KSR1: variants seen among roughly 807,000 people sequenced by gnomAD.
KSR1 encodes the protein kinase suppressor of ras.
Under a neutral mutation model 92.9 loss-of-function variants are expected in KSR1, and 35 were observed. The ratio of observed to expected loss-of-function variants is 0.38; its 90% CI spans 0.29 to 0.50. The LOEUF is 0.50. Among genes scored for constraint, KSR1 ranks in the 20% least tolerant of loss-of-function variants. The pLI, the probability that KSR1 is intolerant of heterozygous loss-of-function variation, is 0.94. For missense variants in KSR1, 972 were observed against 1,158.5 expected (o/e 0.84, Z 2.34); for synonymous variants, 467 against 472.6 (o/e 0.99, Z 0.15).
At chr17:27,558,970 G>A (rs117061097) in intron 2 of KSR1, among the ~76,000 whole-genome samples, 5 of 152,228 alleles carry the variant, frequency 3.3e-5, no homozygotes, top group East Asian at 1.9e-4. Flanking sequence ...TACGTGGATC[G>A]TTTGTGTGTG....
At chr17:27,548,809 G>A (rs2071283628) in intron 1 of KSR1, among the ~76,000 whole-genome samples, 1 of 150,070 alleles carries the variant, frequency 6.7e-6, no homozygotes, top group African/African-American at 2.5e-5. Flanking sequence ...CAGCCTGCCA[G>A]CCTTGGTGAC....
At chr17:27,590,918 G>A in intron 7 of KSR1, 24 bp downstream of exon 7, 4 of 1,586,072 alleles carry the variant, frequency 2.5e-6, no homozygotes, top group African/African-American at 1.3e-5. Flanking sequence ...GAGTGGGGGT[G>A]GGGGGAGCAG....
intron 7 of KSR1, among the ~76,000 whole-genome samples, chr17:27,591,617 T>C (rs2073169554): frequency 6.6e-6 from 1 of 152,220 alleles, no homozygotes; most frequent in East Asian, 1.9e-4. Context: ...CTTGTGCATA[T>C]CAGCTGGACC....
chr17:27,608,519 A>C, intron 15 of KSR1, among the ~76,000 whole-genome samples: 1 of 152,160 alleles, frequency 6.6e-6, no homozygotes, highest in East Asian at 1.9e-4. Flanking sequence ...CTGACTCATC[A>C]GTGTTAGTTC....
chr17:27,621,866 A>G, intron 20 of KSR1: 1 of 1,573,244 alleles, frequency 6.4e-7, no homozygotes, highest in Non-Finnish European at 8.7e-7. Flanking sequence ...AGCTCCCGAC[A>G]GGCTCTGCAT....
Position 27,577,793 on chromosome 17 carries a change from A to G in KSR1, c.520+154A>G, listed in dbSNP as rs1359044347. 9.6e-6 allele frequency: 7 copies of G among 726,930 alleles called. No individual in the cohort carries two copies. The highest frequency in any genetic ancestry group is 1.7e-5 in the Non-Finnish European group (7 of 408,176). 45.0% of individuals were successfully genotyped at this position (726,930 alleles called of 1,614,324 possible). On this transcript the variant is annotated intron_variant, in intron 3 of 20. Transcript: ENST00000644974. The surrounding 1 kb of genome is among the most constrained non-coding windows in gnomAD (Gnocchi z 4.5). ...GTTGGATGTTCACAGCCTCCTGAGA[A>G]GCTCTCCCAGGGTCCTCAGGGCTCT...
intron 1 of KSR1, among the ~76,000 whole-genome samples, chr17:27,505,031 A>G (rs1181480828): frequency 2.0e-5 from 3 of 152,156 alleles, no homozygotes; most frequent in Non-Finnish European, 4.4e-5. Context: ...AGATGCCCTT[A>G]TGGGTCAGAA....
At chr17:27,537,524 C>A (rs1163229106) in intron 1 of KSR1, among the ~76,000 whole-genome samples, 1 of 152,122 alleles carries the variant, frequency 6.6e-6, no homozygotes, top group Non-Finnish European at 1.5e-5. Flanking sequence ...AACCCCATCT[C>A]TACTAAAAAT....
intron 1 of KSR1, among the ~76,000 whole-genome samples, chr17:27,497,081 G>A (rs2069013857): frequency 6.6e-6 from 1 of 152,264 alleles, no homozygotes; most frequent in Non-Finnish European, 1.5e-5. Context: ...AGAATGCGGA[G>A]CTGCTCATTA....
chr17:27,484,873 T>A (rs1027073867), intron 1 of KSR1, among the ~76,000 whole-genome samples: 11 of 152,238 alleles, frequency 7.2e-5, no homozygotes, highest in African/African-American at 2.7e-4. Context: ...CAGGGAGTGG[T>A]ACATCAAATC....
At chr17:27,562,783 C>CTA (rs1473437098) in intron 2 of KSR1, among the ~76,000 whole-genome samples, 1 of 152,226 alleles carries the variant, frequency 6.6e-6, no homozygotes, top group Non-Finnish European at 1.5e-5. Flanking sequence ...CTGCTCCTAG[C>CTA]TATGTACCTT....
At chr17:27,622,092 T>C (rs1003989191) in intron 20 of KSR1, 10 of 716,366 alleles carry the variant, frequency 1.4e-5, no homozygotes, top group African/African-American at 1.2e-4. Context: ...TTCTTTTGCT[T>C]TGTTTTAAAA....
intron 12 of KSR1, among the ~76,000 whole-genome samples, 200 bp from the exon 13 acceptor site, chr17:27,604,480 A>C (rs1036577394): frequency 1.3e-5 from 2 of 152,174 alleles, no homozygotes; most frequent in African/African-American, 4.8e-5. Flanking sequence ...AAGTTAGCCT[A>C]GGGAAGGCTG....
Position 27,617,441 on chromosome 17 carries a change from T to A in KSR1, c.2627+13T>A. On this transcript the variant is annotated intron_variant, in intron 19 of 20. Transcript: ENST00000644974. ...GGAAGTCAGCTGAGTAAGTGCCTCT[T>A]CCATGAGCCAGACTGCCAGCCAGGC... The A allele has an allele frequency of 6.3e-7, 1 of 1,595,948 alleles. No individual in the cohort carries two copies. Among genetic ancestry groups the A allele is most frequent in the Non-Finnish European group, 8.6e-7 (1 of 1,165,622 alleles).
chr17:27,516,973 C>T (rs2151012998), intron 1 of KSR1, among the ~76,000 whole-genome samples: 1 of 152,314 alleles, frequency 6.6e-6, no homozygotes, highest in East Asian at 1.9e-4. Context: ...CATCACATGA[C>T]AGATAGCAGG....
chr17:27,463,219 G>A (rs568947084), intron 1 of KSR1, among the ~76,000 whole-genome samples: 1 of 152,274 alleles, frequency 6.6e-6, no homozygotes, highest in African/African-American at 2.4e-5. Context: ...GAGTTTAAAA[G>A]GAGGCTGGGC....
At chr17:27,570,715 G>A (rs2072271928) in intron 2 of KSR1, among the ~76,000 whole-genome samples, 1 of 152,164 alleles carries the variant, frequency 6.6e-6, no homozygotes. Context: ...TCAGTGGAAG[G>A]AATGTGGCCT....
At chr17:27,609,444 G>A (rs2073854624) in intron 16 of KSR1, 115 bp downstream of exon 16, 4 of 1,393,870 alleles carry the variant, frequency 2.9e-6, no homozygotes, top group East Asian at 2.3e-5. Flanking sequence ...CTGCAGGGAA[G>A]CCCAGGTCGC....
At chr17:27,468,622 G>A (rs1475522463) in intron 1 of KSR1, among the ~76,000 whole-genome samples, 1 of 152,214 alleles carries the variant, frequency 6.6e-6, no homozygotes, top group Non-Finnish European at 1.5e-5. Context: ...GTGACCCAGG[G>A]CGGTCTTCTC....
Sources: gnomAD v4.1 joint callset for allele counts (sites outside exome capture counted in the v4.1 genomes callset) on GRCh38, gnomAD v4.1.1 for gene constraint, Gnocchi (gnomAD v3.1) non-coding constraint, MANE v1.5 for transcripts, NCBI Gene and HGNC (gene_info 2026-07-23, HGNC 2026-07-21) for gene names.